The following PHKB variants were observed in gnomAD, a reference collection of about 807,000 sequenced individuals.
PHKB encodes phosphorylase b kinase regulatory subunit beta.
PHKB carries 122 observed loss-of-function variants against 152.1 expected under a neutral mutation model. The ratio of observed to expected loss-of-function variants is 0.80; its 90% CI spans 0.69 to 0.93. PHKB has a LOEUF of 0.93. Among genes scored for constraint, PHKB ranks in the 40% least tolerant of loss-of-function variants. The probability of loss-of-function intolerance (pLI) is 0.00; values close to 1 mark genes in which losing one functional copy is unlikely to be tolerated. For missense variants in PHKB, 1,304 were observed against 1,328.4 expected (o/e 0.98, Z 0.29); for synonymous variants, 436 against 464.9 (o/e 0.94, Z 0.80).
intron 28 of PHKB, among the ~76,000 whole-genome samples, chr16:47,695,730 T>C (rs1242995753): frequency 6.6e-6 from 1 of 152,192 alleles, no homozygotes; most frequent in African/African-American, 2.4e-5. Flanking sequence ...TTCCCTTCCA[T>C]CCTCTGAGGA....
rs189154338 is a variant in PHKB, at chr16:47,536,507, T to C, written c.595-10926T>C. On this transcript the variant is annotated intron_variant, in intron 6 of 30. Coordinates refer to ENST00000323584, the MANE Select transcript of PHKB (RefSeq NM_000293.3). ...CCACAGTTTCTTATGTGAAAAAACA[T>C]TTAGAACCAAATATGTTTTCGATTT... Among the ~76,000 whole-genome samples, 60 of 152,314 alleles carry C rather than the reference T, an allele frequency of 3.9e-4. 2 individuals carry two copies. The highest frequency in any genetic ancestry group is 3.9e-3 in the Admixed American group (60 of 15,302).
chr16:47,535,627 C>T (rs980140721), intron 6 of PHKB, among the ~76,000 whole-genome samples: 43 of 152,060 alleles, frequency 2.8e-4, no homozygotes, highest in Non-Finnish European at 8.8e-5. Context: ...ATATAAGTCC[C>T]GCTCTATCTC....
chr16:47,505,162 A>T (rs1028318181), intron 4 of PHKB, among the ~76,000 whole-genome samples: 2 of 152,052 alleles, frequency 1.3e-5, no homozygotes, highest in African/African-American at 4.8e-5. Flanking sequence ...TTACGACCCA[A>T]AGGATCTCCA....
chr16:47,643,320 A>G (rs79375893), intron 16 of PHKB, among the ~76,000 whole-genome samples: 2 of 152,194 alleles, frequency 1.3e-5, no homozygotes, highest in Non-Finnish European at 2.9e-5. Flanking sequence ...GTTTGACAGG[A>G]AAAAAACAGT....
chr16:47,649,269 A>G (rs920951823), intron 18 of PHKB, 65 bp downstream of exon 18: 23 of 911,080 alleles, frequency 2.5e-5, no homozygotes, highest in Middle Eastern at 4.4e-4. Flanking sequence ...ATCATATGTT[A>G]CTATATTGAG....
At chr16:47,697,955 A>G (rs1479446825) in intron 29 of PHKB, among the ~76,000 whole-genome samples, 1 of 152,202 alleles carries the variant, frequency 6.6e-6, no homozygotes, top group Non-Finnish European at 1.5e-5. Flanking sequence ...CTACTGTGGC[A>G]TCACAGACTT....
At chr16:47,676,198 T>C (rs1973729717) in intron 26 of PHKB, 1 of 152,196 alleles carries the variant, frequency 6.6e-6, no homozygotes. Flanking sequence ...TTCCTATAAA[T>C]TGTTGAACAT....
intron 26 of PHKB, among the ~76,000 whole-genome samples, chr16:47,671,381 G>A (rs1973635026): frequency 2.6e-5 from 4 of 152,056 alleles, no homozygotes. Flanking sequence ...TAAATATACA[G>A]TACAGTAGTA....
chr16:47,687,324 A>T (rs989096321), intron 26 of PHKB, among the ~76,000 whole-genome samples: 1 of 152,238 alleles, frequency 6.6e-6, no homozygotes, highest in African/African-American at 2.4e-5. Context: ...TAATTTCATA[A>T]GCAGCTTTAA....
chr16:47,610,159 A>ATTTT (rs371224839), intron 13 of PHKB, among the ~76,000 whole-genome samples: 62 of 99,424 alleles, frequency 6.2e-4, no homozygotes, highest in East Asian at 2.9e-3. Context: ...TGCCCAGCTA[A>ATTTT]TTTTTTTTTT....
chr16:47,529,452 A>AT (rs898813119), intron 6 of PHKB: 2 of 151,424 alleles, frequency 1.3e-5, no homozygotes, highest in Admixed American at 1.3e-4. Flanking sequence ...GGTTCAAGCA[A>AT]TTCCCCTGCC....
chr16:47,467,311 A>G (rs1240665048), intron 1 of PHKB, among the ~76,000 whole-genome samples: 1 of 152,222 alleles, frequency 6.6e-6, no homozygotes, highest in Non-Finnish European at 1.5e-5. Context: ...AGAATTTAAT[A>G]TTAATAGAGC....
In PHKB at chr16:47,639,413, C is replaced by T. The variant is rs556978556; in HGVS notation, c.1459-1622C>T. On this transcript the variant is annotated intron_variant, in intron 14 of 30. Coordinates refer to ENST00000323584, the MANE Select transcript of PHKB (RefSeq NM_000293.3). ...TGGGGCTGCCCGTGCTGAATTCTTT[C>T]TCTCAATGGTGAATGGGGCAAAAGG... Among the ~76,000 whole-genome samples the T allele has an allele frequency of 1.1e-4, 16 of 152,314 alleles. No homozygotes were observed. In the South Asian group the frequency reaches 3.3e-3, roughly 32 times the overall value.
intron 26 of PHKB, among the ~76,000 whole-genome samples, chr16:47,685,367 G>C (rs556557709): frequency 6.6e-6 from 1 of 152,270 alleles, no homozygotes; most frequent in South Asian, 2.1e-4. Flanking sequence ...GGAGGTTGCG[G>C]TGAGCCAAGA....
intron 26 of PHKB, among the ~76,000 whole-genome samples, chr16:47,673,127 GT>G (rs1973665555): frequency 6.6e-5 from 2 of 30,518 alleles, no homozygotes; most frequent in South Asian, 7.5e-3. Context: ...GAGCAATCTG[GT>G]ATTTTTTTTT....
At chr16:47,643,417 A>G (rs534469985) in intron 16 of PHKB, among the ~76,000 whole-genome samples, 1 of 152,366 alleles carries the variant, frequency 6.6e-6, no homozygotes, top group South Asian at 2.1e-4. Flanking sequence ...ATTCTGTTAC[A>G]GAGCAAGTAA....
intron 25 of PHKB, 89 bp from the exon 26 acceptor site, chr16:47,669,126 C>A: frequency 1.1e-6 from 1 of 928,856 alleles, no homozygotes; most frequent in Non-Finnish European, 1.7e-6. Context: ...GTAATTTCAG[C>A]CTGCCAGTCA....
intron 27 of PHKB, 66 bp from the exon 28 acceptor site, chr16:47,693,312 G>A (rs1974094121): frequency 6.4e-7 from 1 of 1,550,964 alleles, no homozygotes; most frequent in Non-Finnish European, 8.9e-7. Context: ...AGTTCATATT[G>A]AAAGCCCTGC....
intron 6 of PHKB, among the ~76,000 whole-genome samples, chr16:47,530,658 T>G (rs1970846916): frequency 6.6e-6 from 1 of 152,182 alleles, no homozygotes; most frequent in South Asian, 2.1e-4. Context: ...GATCAACATA[T>G]GGAGAGCAAT....
Sources: allele counts gnomAD v4.1 joint callset (sites outside exome capture counted in the v4.1 genomes callset), GRCh38; gene constraint gnomAD v4.1.1; transcripts MANE v1.5; gene names NCBI Gene and HGNC (gene_info 2026-07-23, HGNC 2026-07-21).